Variants in PLCB4 observed in about 807,000 individuals in gnomAD.
PLCB4 encodes the protein phospholipase C beta 4.
A neutral mutation model predicts 178.8 loss-of-function variants in PLCB4; 77 were observed. That is an observed-to-expected ratio of 0.43 (90% CI 0.36 to 0.52). The LOEUF (loss-of-function observed/expected upper bound fraction) is 0.52, where lower values mean the gene tolerates loss of function less well. Ranked by LOEUF, PLCB4 falls within the 20% of genes least tolerant of loss-of-function variation. The probability of loss-of-function intolerance (pLI) is 0.00; values close to 1 mark genes in which losing one functional copy is unlikely to be tolerated. For missense variants in PLCB4, 1,024 were observed against 1,453.4 expected, an observed-to-expected ratio of 0.70 and a Z score of 4.80; for synonymous variants, 496 against 490.8, an observed-to-expected ratio of 1.01 and a Z score of -0.14.
chr20:9,357,457 A>C (rs1290386586), intron 7 of PLCB4, among the ~76,000 whole-genome samples: 2 of 152,188 alleles, frequency 1.3e-5, no homozygotes, highest in Non-Finnish European at 2.9e-5. Context: ...ATGAGATAGA[A>C]TATCCTGTGT....
chr20:9,298,523 G>A (rs898363610), intron 3 of PLCB4, among the ~76,000 whole-genome samples: 1 of 152,022 alleles, frequency 6.6e-6, no homozygotes, highest in African/African-American at 2.4e-5. Flanking sequence ...GCATATTTTA[G>A]ACATGTTTTG....
At chr20:9,307,623 T>C (rs1001970535) in intron 3 of PLCB4, among the ~76,000 whole-genome samples, 177 bp from the exon 4 acceptor site, 2 of 152,014 alleles carry the variant, frequency 1.3e-5, no homozygotes, top group Admixed American at 1.3e-4. Flanking sequence ...TTGATTATGA[T>C]ATCTCCAGGT....
intron 14 of PLCB4, among the ~76,000 whole-genome samples, chr20:9,386,892 CT>C (rs780599842): frequency 0.031 from 4,048 of 129,384 alleles, 172 homozygotes; most frequent in African/African-American, 0.098. Flanking sequence ...CCAAATTGTC[CT>C]TTTTTTTTTT....
At chr20:9,142,623 A>G (rs2092515975) in intron 2 of PLCB4, among the ~76,000 whole-genome samples, 1 of 152,152 alleles carries the variant, frequency 6.6e-6, no homozygotes, top group Admixed American at 6.5e-5. Flanking sequence ...TTCTACATTC[A>G]CAACATATCC....
intron 3 of PLCB4, among the ~76,000 whole-genome samples, chr20:9,255,318 G>T (rs1344255659): frequency 6.6e-6 from 1 of 152,160 alleles, no homozygotes; most frequent in African/African-American, 2.4e-5. Context: ...TCTTTTCACT[G>T]CAGTATGCTG....
chr20:9,097,529 A>T (rs2090964517), intron 2 of PLCB4, among the ~76,000 whole-genome samples: 1 of 152,094 alleles, frequency 6.6e-6, no homozygotes, highest in East Asian at 1.9e-4. Flanking sequence ...TGGCTCTCAG[A>T]CTGTAAGATT....
chr20:9,352,566 T>C (rs1444500727), intron 7 of PLCB4, among the ~76,000 whole-genome samples: 1 of 152,234 alleles, frequency 6.6e-6, no homozygotes. Context: ...GAGGCTCTTT[T>C]TGACCTAACT....
intron 25 of PLCB4, among the ~76,000 whole-genome samples, chr20:9,411,377 G>A (rs903166507): frequency 6.6e-6 from 1 of 152,122 alleles, no homozygotes; most frequent in Non-Finnish European, 1.5e-5. Context: ...TTATGTCTGG[G>A]ACAGGTAATA....
At position 9,312,398 on chromosome 20, in the gene PLCB4, G is replaced by A. The variant is rs971139844; in HGVS notation, c.84+4500G>A. On this transcript the variant is annotated intron_variant, in intron 4 of 39. Transcript: ENST00000378473. ...CACACACACACACACACACACACAC[G>A]CACGCACTCACACACACGTGGTGGA... 1.4e-3 allele frequency among the ~76,000 whole-genome samples: 162 copies of A among 115,902 alleles called. 1 individual carries two copies. Among genetic ancestry groups the A allele is most frequent in the African/African-American group, 3.8e-3 (103 of 27,406 alleles). 76.0% of individuals were successfully genotyped at this position (115,902 alleles called of 152,430 possible).
At chr20:9,282,941 G>A (rs1465983737) in intron 3 of PLCB4, among the ~76,000 whole-genome samples, 2 of 151,998 alleles carry the variant, frequency 1.3e-5, no homozygotes, top group East Asian at 3.9e-4. Context: ...AAACCCCAAT[G>A]TACAAGTACT....
intron 7 of PLCB4, among the ~76,000 whole-genome samples, chr20:9,345,255 C>CT (rs577510091): frequency 2.8e-4 from 42 of 150,012 alleles, no homozygotes; most frequent in South Asian, 1.9e-3. Flanking sequence ...AAATAAAGCT[C>CT]TTTTTTTTTT....
chr20:9,462,856 C>T lies in PLCB4; in HGVS notation c.3248+3046C>T, dbSNP rs562171245. ...GGAAAACACTCTTTAGGATATCATC[C>T]AGTAGAACTTCCCCAACTTAGCAAG... is the stretch of plus-strand genomic sequence containing the variant. On this transcript the variant is annotated intron_variant, in intron 35 of 39. Transcript: ENST00000378473. Among the ~76,000 whole-genome samples, 40 of 152,272 alleles carry T rather than the reference C, an allele frequency of 2.6e-4. No individual in the cohort carries two copies. The Middle Eastern group carries it at 0.01, about 39-fold the overall frequency.
At chr20:9,260,933 G>A (rs2094290975) in intron 3 of PLCB4, among the ~76,000 whole-genome samples, 1 of 152,092 alleles carries the variant, frequency 6.6e-6, no homozygotes, top group Non-Finnish European at 1.5e-5. Flanking sequence ...ATGAAAAAGA[G>A]GCTAAGTTGC....
At chr20:9,195,473 CAG>C (rs1468800054) in intron 2 of PLCB4, among the ~76,000 whole-genome samples, 1 of 152,216 alleles carries the variant, frequency 6.6e-6, no homozygotes, top group Admixed American at 6.5e-5. Context: ...GAGTAGAAAA[CAG>C]TGTCTTCACC....
chr20:9,358,948 C>A (rs561129933), intron 7 of PLCB4, among the ~76,000 whole-genome samples: 1 of 152,138 alleles, frequency 6.6e-6, no homozygotes, highest in East Asian at 1.9e-4. Context: ...TTATTGGTGG[C>A]CAATTCTTAA....
intron 1 of PLCB4, among the ~76,000 whole-genome samples, chr20:9,074,979 C>T (rs970866279): frequency 6.6e-6 from 1 of 152,136 alleles, no homozygotes; most frequent in South Asian, 2.1e-4. Flanking sequence ...CTCAACTTCT[C>T]TGCTTTACAT....
In PLCB4 at chr20:9,458,863, G is replaced by C. The variant is rs962523223; in HGVS notation, c.3073-772G>C. Among the ~76,000 whole-genome samples, 3 of 152,186 alleles carry C rather than the reference G, an allele frequency of 2.0e-5. No individual in the cohort carries two copies. The South Asian group carries it at 6.2e-4, about 31-fold the overall frequency. On this transcript the variant is annotated intron_variant, in intron 34 of 39. Transcript: ENST00000378473. ...GCAAAACCCCACTGCAAAGAGCTTG[G>C]ATATTGGGTGGGGAGGACTTTCTAC...
At chr20:9,351,105 G>A (rs909036731) in intron 7 of PLCB4, among the ~76,000 whole-genome samples, 2 of 151,548 alleles carry the variant, frequency 1.3e-5, no homozygotes, top group Admixed American at 6.6e-5. Flanking sequence ...CTTTAGACAG[G>A]TTTCTTTATG....
At chr20:9,323,611 A>G (rs2147976561) in intron 4 of PLCB4, among the ~76,000 whole-genome samples, 1 of 152,296 alleles carries the variant, frequency 6.6e-6, no homozygotes, top group Admixed American at 6.5e-5. Context: ...TCACTTTGGA[A>G]TGTGGAGAAA....
Sources: gnomAD v4.1 joint callset for allele counts (sites outside exome capture counted in the v4.1 genomes callset) on GRCh38, gnomAD v4.1.1 for gene constraint, MANE v1.5 for transcripts, NCBI Gene and HGNC (gene_info 2026-07-23, HGNC 2026-07-21) for gene names.